The following ATM variants were observed in gnomAD, a reference collection of about 807,000 sequenced individuals.
ATM encodes ATM serine/threonine kinase, also known as serine-protein kinase ATM.
ATM carries 308 observed loss-of-function variants against 387.0 expected under a neutral mutation model. The ratio of observed to expected loss-of-function variants is 0.80; its 90% confidence interval spans 0.73 to 0.87. The LOEUF is 0.87. Ranked by LOEUF, ATM falls within the 40% of genes least tolerant of loss-of-function variation. The probability of loss-of-function intolerance (pLI) is 0.00; values close to 1 mark genes in which losing one functional copy is unlikely to be tolerated. For synonymous variants in ATM, 1,156 were observed against 1,187.3 expected (o/e 0.97, Z 0.54); for missense variants, 3,312 against 3,560.9 (o/e 0.93, Z 1.78).
intron 43 of ATM, among the ~76,000 whole-genome samples, chr11:108,318,385 A>T (rs559361508): frequency 1.1e-4 from 17 of 151,470 alleles, no homozygotes; most frequent in Non-Finnish European, 1.9e-4. Flanking sequence ...AAAATAAAAA[A>T]AATAATATGC....
intron 60 of ATM, among the ~76,000 whole-genome samples, chr11:108,354,337 A>AACT (rs2089618312): frequency 6.6e-6 from 1 of 152,106 alleles, no homozygotes; most frequent in Admixed American, 6.6e-5. Context: ...TAATGATCCA[A>AACT]ACTACTATTG....
At chr11:108,338,600 G>T (rs1311613591) in intron 56 of ATM, among the ~76,000 whole-genome samples, 1 of 151,984 alleles carries the variant, frequency 6.6e-6, no homozygotes, top group Non-Finnish European at 1.5e-5. Flanking sequence ...GGCTGTGCAT[G>T]AGCTGTGATC....
chr11:108,323,667 A>G (rs946009526), intron 45 of ATM, among the ~76,000 whole-genome samples: 5 of 152,218 alleles, frequency 3.3e-5, no homozygotes, highest in African/African-American at 9.6e-5. Flanking sequence ...TACCTCATAA[A>G]TATGTACAAC....
intron 42 of ATM, among the ~76,000 whole-genome samples, chr11:108,316,865 G>T (rs973094853): frequency 1.3e-5 from 2 of 151,740 alleles, no homozygotes; most frequent in African/African-American, 4.8e-5. Flanking sequence ...GGCAGAGGTT[G>T]CAGTGAGCCG....
chr11:108,244,597 A>G (rs1252381560), intron 6 of ATM, among the ~76,000 whole-genome samples, 191 bp from the exon 7 acceptor site: 1 of 151,744 alleles, frequency 6.6e-6, no homozygotes, highest in African/African-American at 2.4e-5. Flanking sequence ...ACACCAAATA[A>G]GAACTAATTT....
chr11:108,328,362 T>G (rs957411331), intron 48 of ATM, among the ~76,000 whole-genome samples: 1 of 152,176 alleles, frequency 6.6e-6, no homozygotes, highest in Admixed American at 6.5e-5. Flanking sequence ...TTCTCCTGCC[T>G]CAGCTTCCCA....
chr11:108,293,604 G>A lies in ATM; in HGVS notation c.4776+127G>A, dbSNP rs552800738. 224 of 868,912 alleles carry A rather than the reference G, an allele frequency of 2.6e-4. No homozygotes were observed. The African/African-American group carries it at 3.2e-3, about 12-fold the overall frequency. The allele number at this position is 868,912 out of a possible 1,614,324, so 53.8% of individuals were successfully genotyped here. A position where few individuals can be genotyped will look rare whatever the true frequency, so the allele number is the denominator to read the frequency against. On this transcript the variant is annotated intron_variant, in intron 31 of 62. Coordinates refer to ENST00000675843, the MANE Select transcript of ATM (RefSeq NM_000051.4). ...AATTGTGATTAAAAATATATACGTA[G>A]GCCAGGCACATTGGCTCATGCCTAT...
chr11:108,306,893 A>G (rs945840711), intron 37 of ATM, among the ~76,000 whole-genome samples: 1 of 152,130 alleles, frequency 6.6e-6, no homozygotes, highest in African/African-American at 2.4e-5. Flanking sequence ...TCTCTCACGT[A>G]TTTCATCTGA....
intron 43 of ATM, among the ~76,000 whole-genome samples, chr11:108,318,398 A>C (rs2084934797): frequency 1.3e-5 from 2 of 151,710 alleles, no homozygotes; most frequent in Non-Finnish European, 2.9e-5. Context: ...TAATATGCCT[A>C]CTCAGGGCTG....
intron 31 of ATM, 42 bp downstream of exon 31, chr11:108,293,519 A>G: frequency 9.3e-6 from 14 of 1,512,580 alleles, no homozygotes; most frequent in African/African-American, 1.4e-5. Flanking sequence ...ATTAGAGAAC[A>G]TAGTAGTACT....
chr11:108,363,051 C>T (rs1021950137), intron 61 of ATM, among the ~76,000 whole-genome samples: 7 of 152,154 alleles, frequency 4.6e-5, no homozygotes, highest in Non-Finnish European at 7.4e-5. Flanking sequence ...ATCTTCCCTC[C>T]GTAAATCTGT....
Position 108,333,906 on chromosome 11 carries a change from G to A in ATM, c.7948G>A (p.Asp2650Asn), listed in dbSNP as rs786202219. The A allele has an allele frequency of 1.9e-6, 3 of 1,610,662 alleles. No homozygotes were observed. Among genetic ancestry groups the A allele is most frequent in the Non-Finnish European group, 2.5e-6 (3 of 1,176,944 alleles). The change falls in exon 54 of 63, where the codon GAC (aspartate) becomes AAC (asparagine). Residue 2650 changes from aspartate (D) to asparagine (N), a missense_variant. Around this residue, in one of 4 missense-constraint regions of ATM, gnomAD observed 1,405 missense variants for 1,604.4 expected, o/e 0.88. Coordinates refer to ENST00000675843, the MANE Select transcript of ATM (RefSeq NM_000051.4). ...TACAGAAGGCATAAATATTCCAGCA[G>A]ACCAGCCAATTACTAAACTTAAGAA... ...TQRKGINIPA[D>N]QPITKLKNLE...
At chr11:108,303,115 A>G (rs2083514361) in intron 36 of ATM, 86 bp downstream of exon 36, 3 of 1,278,330 alleles carry the variant, frequency 2.3e-6, no homozygotes, top group Non-Finnish European at 3.3e-6. Context: ...TCATCTTCAC[A>G]TAATATCACC....
chr11:108,321,936 AGT>A (rs758425174), intron 45 of ATM, among the ~76,000 whole-genome samples: 33 of 152,200 alleles, frequency 2.2e-4, no homozygotes, highest in Non-Finnish European at 4.4e-4. Flanking sequence ...ATTCAGCTTA[AGT>A]GTGCTTTTCT....
Position 108,303,027 on chromosome 11 carries a change from G to A in ATM, c.5494G>A (p.Glu1832Lys), listed in dbSNP as rs1591713057. Reference sequence around the variant, plus strand: ...TCTTCAATTATTAAAGCCAATGTGTGAAGTAAGAAGATTAATTAGTCTGAT... The same window carrying A: ...TCTTCAATTATTAAAGCCAATGTGTAAAGTAAGAAGATTAATTAGTCTGAT... ...EILQLLKPMC[E>K]VKTDFCQTVL... Residue 1832 changes from glutamate to lysine, a missense_variant and splice_region_variant, in exon 36 of 63, where the codon GAA (glutamate) becomes AAA (lysine). Coordinates refer to ENST00000675843, the MANE Select transcript of ATM (RefSeq NM_000051.4). The A allele has an allele frequency of 6.2e-7, 1 of 1,610,002 alleles. No individual in the cohort carries two copies. Among genetic ancestry groups the A allele is most frequent in the Non-Finnish European group, 8.5e-7 (1 of 1,176,582 alleles).
At chr11:108,336,171 C>G in intron 56 of ATM, 1 of 482,776 alleles carries the variant, frequency 2.1e-6, no homozygotes. Flanking sequence ...GAGATGATGG[C>G]ATGTGCTTGT....
At chr11:108,361,857 C>G (rs543731988) in intron 61 of ATM, among the ~76,000 whole-genome samples, 2 of 151,632 alleles carry the variant, frequency 1.3e-5, no homozygotes, top group South Asian at 2.1e-4. Context: ...AGAAGAAAAC[C>G]TAGGCATTAC....
intron 22 of ATM, 25 bp downstream of exon 22, chr11:108,272,877 TATTTGG>T: frequency 6.2e-7 from 1 of 1,613,678 alleles, no homozygotes; most frequent in Non-Finnish European, 8.5e-7. Context: ...ATTCATGAAG[TATTTGG>T]AATGCTGCAG....
At chr11:108,310,467 T>A in intron 39 of ATM, 152 bp downstream of exon 39, 3 of 718,940 alleles carry the variant, frequency 4.2e-6, no homozygotes, top group South Asian at 2.1e-5. Context: ...AATAAATTTT[T>A]AAAAAGGAAT....
Sources: allele counts gnomAD v4.1 joint callset (sites outside exome capture counted in the v4.1 genomes callset), GRCh38; gene constraint gnomAD v4.1.1; regional missense constraint gnomAD v4.1.1; transcripts MANE v1.5; gene names NCBI Gene and HGNC (gene_info 2026-07-23, HGNC 2026-07-21).